The following ITGA1 variants were observed in gnomAD, a reference collection of about 807,000 sequenced individuals.
ITGA1 encodes integrin alpha-1.
Under a neutral mutation model 145.9 loss-of-function variants are expected in ITGA1, and 85 were observed. The observed-to-expected ratio is 0.58, with a 90% CI of 0.49 to 0.70. The LOEUF (loss-of-function observed/expected upper bound fraction) is 0.70. Ranked by LOEUF, ITGA1 falls within the 30% of genes least tolerant of loss-of-function variation. ITGA1 has a pLI of 0.00. For synonymous variants in ITGA1, 520 were observed against 495.3 expected (o/e 1.05, Z -0.66); for missense variants, 1,351 against 1,418.7 (o/e 0.95, Z 0.77).
intron 1 of ITGA1, among the ~76,000 whole-genome samples, chr5:52,825,715 C>T (rs972301611): frequency 6.6e-6 from 1 of 152,080 alleles, no homozygotes; most frequent in African/African-American, 2.4e-5. Context: ...GTCAGGAGAT[C>T]GAGACCATTC....
intron 6 of ITGA1, among the ~76,000 whole-genome samples, chr5:52,872,360 C>A (rs1371292510): frequency 6.6e-6 from 1 of 152,076 alleles, no homozygotes; most frequent in East Asian, 1.9e-4. Flanking sequence ...AGCCTCTAGT[C>A]TCCATTCTCC....
chr5:52,920,968 T>C (rs1390612208), intron 17 of ITGA1, among the ~76,000 whole-genome samples: 1 of 143,724 alleles, frequency 7.0e-6, no homozygotes, highest in Non-Finnish European at 1.5e-5. Context: ...CTATCATCTG[T>C]AGGCTTTGTG....
chr5:52,891,555 T>TAAAAAAAAAAAAAAAAAAAAAAAAAAA, intron 8 of ITGA1, among the ~76,000 whole-genome samples: 1 of 118,882 alleles, frequency 8.4e-6, no homozygotes, highest in Non-Finnish European at 1.8e-5. Context: ...TCATGAACAC[T>TAAAAAAAAAAAAAAAAAAAAAAAAAAA]AAAAAAAAAA....
intron 7 of ITGA1, among the ~76,000 whole-genome samples, chr5:52,884,083 G>T (rs570412293): frequency 3.3e-5 from 5 of 152,016 alleles, no homozygotes; most frequent in Non-Finnish European, 7.4e-5. Flanking sequence ...TATGATATTC[G>T]CATACAAAGA....
Position 52,939,687 on chromosome 5 carries a change from T to C in ITGA1, c.3176T>C (p.Ile1059Thr). ...TSTDHLKRGT[I>T]LDCNTCKFAT... ...ACTGACCATCTCAAACGAGGCACAA[T>C]TCTGGTAAATTAAGACAAGTGCTAT... is the stretch of plus-strand genomic sequence containing the variant. Residue 1059 changes from isoleucine to threonine, a missense_variant, in exon 25 of 29, where the codon ATT becomes ACT. Coordinates refer to ENST00000282588, the MANE Select transcript of ITGA1 (RefSeq NM_181501.2). 1 of 1,605,558 alleles carries C rather than the reference T, an allele frequency of 6.2e-7. No individual in the cohort carries two copies. The highest frequency in any genetic ancestry group is 1.1e-5 in the South Asian group (1 of 90,826).
chr5:52,866,096 C>T (rs1749683148), intron 6 of ITGA1, among the ~76,000 whole-genome samples: 1 of 152,026 alleles, frequency 6.6e-6, no homozygotes, highest in Admixed American at 6.6e-5. Context: ...CTCACTGCAA[C>T]CTTCACCTCC....
intron 1 of ITGA1, among the ~76,000 whole-genome samples, chr5:52,789,447 C>T (rs1009138393): frequency 1.3e-5 from 2 of 152,190 alleles, no homozygotes; most frequent in Non-Finnish European, 2.9e-5. Context: ...CTAGTTTAGA[C>T]CTGCCTTAGA....
intron 1 of ITGA1, chr5:52,800,721 G>C (rs1401372065): frequency 6.2e-7 from 1 of 1,614,238 alleles, no homozygotes; most frequent in Non-Finnish European, 8.5e-7. Context: ...CCAACCGCCA[G>C]TTCACCCTGG....
rs1431769936 is a variant in ITGA1, at chr5:52,788,209, C to A, written c.-145C>A. Reference sequence around the variant, plus strand: ...CGAAAACACAGGAAATCACTCCTCTCCCGCTCCTGGGCGCCGCTGCCACTG... The same window carrying A: ...CGAAAACACAGGAAATCACTCCTCTACCGCTCCTGGGCGCCGCTGCCACTG... On this transcript the variant is annotated 5_prime_UTR_variant, in exon 1 of 29. Transcript: ENST00000282588. 4 of 533,362 alleles carry A rather than the reference C, an allele frequency of 7.5e-6. No individual in the cohort carries two copies. In the South Asian group the frequency reaches 1.1e-4, roughly 14 times the overall value. 33.0% of individuals were successfully genotyped at this position (533,362 alleles called of 1,614,324 possible).
At chr5:52,912,555 TC>T (rs1750577209) in intron 14 of ITGA1, among the ~76,000 whole-genome samples, 1 of 134,674 alleles carries the variant, frequency 7.4e-6, no homozygotes, top group Non-Finnish European at 1.6e-5. Context: ...ATATAGTGTA[TC>T]CACTATAGGT....
chr5:52,814,986 A>G (rs1258248474), intron 1 of ITGA1, among the ~76,000 whole-genome samples: 1 of 152,166 alleles, frequency 6.6e-6, no homozygotes, highest in Non-Finnish European at 1.5e-5. Flanking sequence ...CTAGAATGAA[A>G]TGGAAGTCAG....
chr5:52,844,037 T>C (rs1749297432), intron 1 of ITGA1, among the ~76,000 whole-genome samples: 2 of 152,186 alleles, frequency 1.3e-5, no homozygotes, highest in African/African-American at 4.8e-5. Context: ...TTTTCTTACA[T>C]ATCAAATTCC....
At chr5:52,950,323 A>G (rs1751199562) in intron 28 of ITGA1, among the ~76,000 whole-genome samples, 2 of 152,160 alleles carry the variant, frequency 1.3e-5, no homozygotes, top group Non-Finnish European at 1.5e-5. Context: ...TCTTCATCCA[A>G]TATACATGTT....
chr5:52,882,891 A>G (rs1338204553), intron 7 of ITGA1: 1 of 152,242 alleles, frequency 6.6e-6, no homozygotes, highest in Non-Finnish European at 1.5e-5. Context: ...TGGAAAGCTA[A>G]TTACCCATGC....
chr5:52,883,367 C>G (rs532878070), intron 7 of ITGA1, among the ~76,000 whole-genome samples: 409 of 152,310 alleles, frequency 2.7e-3, no homozygotes, highest in Non-Finnish European at 4.5e-3. Flanking sequence ...AAATACGGCT[C>G]TAAATACCAT....
chr5:52,912,218 T>G (rs556886374), intron 14 of ITGA1, among the ~76,000 whole-genome samples: 5 of 144,714 alleles, frequency 3.5e-5, no homozygotes, highest in African/African-American at 1.2e-4. Flanking sequence ...ATAGATATGA[T>G]ATATATACTG....
At chr5:52,871,621 A>G (rs1000286603) in intron 6 of ITGA1, among the ~76,000 whole-genome samples, 1 of 120,010 alleles carries the variant, frequency 8.3e-6, no homozygotes, top group African/African-American at 3.4e-5. Flanking sequence ...AAAATAAAAA[A>G]AAAGAAAAGG....
intron 12 of ITGA1, 101 bp from the exon 13 acceptor site, chr5:52,908,797 G>C (rs972251974): frequency 4.7e-6 from 6 of 1,274,286 alleles, no homozygotes; most frequent in African/African-American, 3.0e-5. Flanking sequence ...TTGCCAACTA[G>C]CTCCTCTTCT....
Position 52,835,183 on chromosome 5 carries a change from G to T in ITGA1, c.62-14182G>T, listed in dbSNP as rs369271471. Among the ~76,000 whole-genome samples the T allele has an allele frequency of 2.0e-5, 3 of 151,992 alleles. No individual in the cohort carries two copies. In the South Asian group the frequency reaches 6.2e-4, roughly 31 times the overall value. On this transcript the variant is annotated intron_variant, in intron 1 of 28. Transcript: ENST00000282588. ...AGATTTTATTACTAATGAAAAAAAC[G>T]GATATTAAGAGCTAATAAGCCTTCT...
Sources: gnomAD v4.1 joint callset for allele counts (sites outside exome capture counted in the v4.1 genomes callset) on GRCh38, gnomAD v4.1.1 for gene constraint, MANE v1.5 for transcripts, NCBI Gene and HGNC (gene_info 2026-07-23, HGNC 2026-07-21) for gene names.